Variants in MATR3 observed in about 807,000 individuals in gnomAD.
MATR3 encodes matrin-3.
Under a neutral mutation model 85.5 loss-of-function variants are expected in MATR3, and 4 were observed. That is an observed-to-expected ratio of 0.05 (90% CI 0.02 to 0.11). The LOEUF is 0.11. MATR3 is among the 10% of genes least tolerant of loss of function. The probability of loss-of-function intolerance (pLI) is 1.00; values close to 1 mark genes in which losing one functional copy is unlikely to be tolerated. For synonymous variants in MATR3, 336 were observed against 343.1 expected (o/e 0.98, Z 0.23); for missense variants, 685 against 1,016.1 (o/e 0.67, Z 4.43).
intron 3 of MATR3, among the ~76,000 whole-genome samples, chr5:139,286,191 T>C (rs1290793545): frequency 6.6e-6 from 1 of 151,914 alleles, no homozygotes; most frequent in Non-Finnish European, 1.5e-5. Context: ...GTTTTCTGTT[T>C]TTAAGTAGCC....
At chr5:139,324,295 T>G (rs1581259344) in intron 12 of MATR3, among the ~76,000 whole-genome samples, 2 of 145,816 alleles carry the variant, frequency 1.4e-5, no homozygotes, top group Non-Finnish European at 3.0e-5. Flanking sequence ...TGATTGTTTT[T>G]TTTTTTTTTT....
chr5:139,313,512 C>T (rs1755099662), intron 2 of MATR3: 1 of 152,108 alleles, frequency 6.6e-6, no homozygotes, highest in African/African-American at 2.4e-5. Context: ...AGTCTAATAG[C>T]AGAGCCCACT....
Position 139,319,860 on chromosome 5 carries a change from CTTTTTT to C in MATR3, c.1602+382_1602+387del, listed in dbSNP as rs58123057. On this transcript the variant is annotated intron_variant, in intron 9 of 14. Coordinates refer to ENST00000394805, the MANE Select transcript of MATR3 (RefSeq NM_018834.6). ...CTCCCAACTCAAAAAAAAAAATTTG[CTTTTTT>C]TTTTTTTTTTTTTTTTTTTTTTAAA... Among the ~76,000 whole-genome samples the C allele has an allele frequency of 6.3e-4, 28 of 44,166 alleles. 1 individual carries two copies. The highest frequency in any genetic ancestry group is 1.4e-3 in the South Asian group (1 of 720). 29.0% of individuals were successfully genotyped at this position (44,166 alleles called of 152,430 possible).
In MATR3 at chr5:139,307,106, TAATA is replaced by T; in HGVS notation, c.-177-129_-177-126del. On this transcript the variant is annotated intron_variant, in intron 1 of 14. Transcript: ENST00000394805. This position sits in a 1 kb window ranked among gnomAD's most constrained non-coding sequence, Gnocchi z 4.4. ...ACATCAGGAATCTGTTTAAGATATGTAATAAATTCCTTGTAAGTTTGAGATCTTA... is the reference window on the plus strand; with the variant it reads ...ACATCAGGAATCTGTTTAAGATATGTAATTCCTTGTAAGTTTGAGATCTTA... The T allele has an allele frequency of 2.1e-6, 1 of 473,548 alleles. No homozygotes were observed. The allele number at this position is 473,548 out of a possible 1,614,324, so 29.3% of individuals were successfully genotyped here. A position where few individuals can be genotyped will look rare whatever the true frequency, so the allele number is the denominator to read the frequency against.
chr5:139,331,580 T>G lies in MATR3; in HGVS notation c.*2185T>G. ...TAGGAATGTTTCCACTCATGTTTGC[T>G]GTAAAGTTTAAGAACATTTTTCCTA... On this transcript the variant is annotated 3_prime_UTR_variant, in exon 15 of 15. Transcript: ENST00000394805. The G allele has an allele frequency of 2.2e-6, 1 of 454,164 alleles. No homozygotes were observed. Among genetic ancestry groups the G allele is most frequent in the South Asian group, 1.6e-5 (1 of 64,478 alleles). The allele number at this position is 454,164 out of a possible 1,614,324, so 28.1% of individuals were successfully genotyped here. A position where few individuals can be genotyped will look rare whatever the true frequency, so the allele number is the denominator to read the frequency against.
rs757787562 is a variant in MATR3 at position 139,308,109 on chromosome 5, G to A, written c.694G>A (p.Asp232Asn). Residue 232 changes from aspartate (D) to asparagine (N), a missense_variant, in exon 2 of 15, where the codon GAT becomes AAT. By Grantham distance (23) the Asp-to-Asn change is conservative (BLOSUM62 1). Coordinates refer to ENST00000394805, the MANE Select transcript of MATR3 (RefSeq NM_018834.6). ...ATTAAGAGATGGAGAAAGGTGTAGG[G>A]ATGATTCTTTTTTTGGTGAGACCTC... The part of the protein sequence containing the change: ...DRLRDGERCR[D>N]DSFFGETSHN... 3 of 1,614,098 alleles carry A rather than the reference G, an allele frequency of 1.9e-6. No homozygotes were observed. Among genetic ancestry groups the A allele is most frequent in the South Asian group, 2.2e-5 (2 of 91,080 alleles).
intron 7 of MATR3, among the ~76,000 whole-genome samples, chr5:139,317,966 G>A (rs1406560555): frequency 6.6e-6 from 1 of 152,076 alleles, no homozygotes; most frequent in Admixed American, 6.6e-5. Context: ...AGTTGTAAAA[G>A]GAAAATTCTG....
chr5:139,274,370 C>A, intron 1 of MATR3: 1 of 293,812 alleles, frequency 3.4e-6, no homozygotes, highest in South Asian at 3.1e-5. Context: ...CTAGGGAGTC[C>A]CATAGAGCCT....
intron 4 of MATR3, 133 bp downstream of exon 4, chr5:139,315,871 TTTGG>T (rs777383777): frequency 2.3e-5 from 20 of 853,686 alleles, no homozygotes; most frequent in African/African-American, 3.4e-5. Context: ...TAAAATTCAC[TTTGG>T]TTAACAATTT....
intron 1 of MATR3, among the ~76,000 whole-genome samples, chr5:139,295,268 G>C (rs1199999113): frequency 1.3e-5 from 2 of 152,124 alleles, no homozygotes; most frequent in East Asian, 3.8e-4. Flanking sequence ...CATTTTCGTT[G>C]CAAAAACGCT....
chr5:139,316,873 A>G (rs1389656835), intron 5 of MATR3, among the ~76,000 whole-genome samples, 180 bp from the exon 6 acceptor site: 1 of 152,224 alleles, frequency 6.6e-6, no homozygotes, highest in Non-Finnish European at 1.5e-5. Context: ...GGCAATGATT[A>G]TAGGTGAAAG....
intron 3 of MATR3, among the ~76,000 whole-genome samples, chr5:139,282,573 A>G (rs1040223796): frequency 3.9e-5 from 6 of 152,246 alleles, no homozygotes; most frequent in Non-Finnish European, 7.3e-5. Context: ...GATGGTACAA[A>G]GAGTTCCCAT....
At chr5:139,274,608 GA>G (rs1339064749) in intron 1 of MATR3, among the ~76,000 whole-genome samples, 1 of 152,116 alleles carries the variant, frequency 6.6e-6, no homozygotes, top group Non-Finnish European at 1.5e-5. Flanking sequence ...GGGATGGCTG[GA>G]AAAAGGTATG....
chr5:139,316,830 G>GTC (rs1339489224), intron 5 of MATR3, among the ~76,000 whole-genome samples: 1 of 152,110 alleles, frequency 6.6e-6, no homozygotes, highest in Non-Finnish European at 1.5e-5. Context: ...ACAGGTTTGA[G>GTC]TCACCACACC....
chr5:139,287,311 T>C (rs1753735783), intron 3 of MATR3, among the ~76,000 whole-genome samples: 1 of 152,222 alleles, frequency 6.6e-6, no homozygotes, highest in African/African-American at 2.4e-5. Context: ...CCATACTCTA[T>C]TCTGGCATTG....
intron 1 of MATR3, chr5:139,294,034 C>T (rs774114384): frequency 1.6e-6 from 2 of 1,248,628 alleles, no homozygotes; most frequent in Non-Finnish European, 2.0e-6. Flanking sequence ...CGGAGGTGAG[C>T]GGTCCGGGAG....
At chr5:139,281,450 C>A (rs190708210) in intron 3 of MATR3, among the ~76,000 whole-genome samples, 2 of 144,048 alleles carry the variant, frequency 1.4e-5, no homozygotes, top group Non-Finnish European at 3.0e-5. Flanking sequence ...TCAAGCAATT[C>A]TCTTGCCTCA....
Position 139,329,457 on chromosome 5 carries a change from C to T in MATR3, c.*62C>T. The T allele has an allele frequency of 7.4e-7, 1 of 1,359,206 alleles. No individual in the cohort carries two copies. The highest frequency in any genetic ancestry group is 1.0e-6 in the Non-Finnish European group (1 of 954,070). The allele number at this position is 1,359,206 out of a possible 1,614,324, so 84.2% of individuals were successfully genotyped here. On this transcript the variant is annotated 3_prime_UTR_variant, in exon 15 of 15. Transcript: ENST00000394805. The stretch of plus-strand genomic sequence containing the variant: ...ATGGTTCTTTGTTTTTAATGTTAAC[C>T]TTTTTTAAATACAATACTGATAGTT...
chr5:139,287,580 T>C (rs1431094194), intron 3 of MATR3, among the ~76,000 whole-genome samples: 1 of 152,014 alleles, frequency 6.6e-6, no homozygotes. Flanking sequence ...GATTGCGCCA[T>C]TGCACACTAG....
Sources: allele counts gnomAD v4.1 joint callset (sites outside exome capture counted in the v4.1 genomes callset), GRCh38; gene constraint gnomAD v4.1.1; non-coding constraint Gnocchi (gnomAD v3.1); transcripts MANE v1.5; gene names NCBI Gene and HGNC (gene_info 2026-07-23, HGNC 2026-07-21).